SLC8A1: variants seen among roughly 807,000 people sequenced by gnomAD.
The protein encoded by SLC8A1 is sodium/calcium exchanger 1.
Under a neutral mutation model 68.3 loss-of-function variants are expected in SLC8A1, and 18 were observed. The ratio of observed to expected loss-of-function variants is 0.26; its 90% CI spans 0.18 to 0.39. SLC8A1 has a LOEUF of 0.39. Among genes scored for constraint, SLC8A1 ranks in the 10% least tolerant of loss-of-function variants. SLC8A1 has a pLI of 1.00. For missense variants in SLC8A1, 985 were observed against 1,156.7 expected (o/e 0.85, Z 2.15); for synonymous variants, 475 against 415.5 (o/e 1.14, Z -1.74).
At chr2:40,277,474 A>T (rs942474659) in intron 2 of SLC8A1, among the ~76,000 whole-genome samples, 2 of 152,120 alleles carry the variant, frequency 1.3e-5, no homozygotes, top group Non-Finnish European at 2.9e-5. Flanking sequence ...TCGGAGGCAG[A>T]GGTTGCAGTG....
intron 7 of SLC8A1, among the ~76,000 whole-genome samples, chr2:40,122,206 G>GCGCACACACA (rs1553339125): frequency 8.0e-6 from 1 of 124,466 alleles, no homozygotes; most frequent in East Asian, 2.1e-4. Context: ...ATGCGCGCGC[G>GCGCACACACA]CACACACACA....
chr2:40,170,474 G>T, intron 4 of SLC8A1, 125 bp from the exon 7 acceptor site: 3 of 780,434 alleles, frequency 3.8e-6, no homozygotes, highest in Non-Finnish European at 6.5e-6. Context: ...GTTAGTTTGG[G>T]GATTCAATGA....
chr2:40,111,637 C>T (rs1175138499), exon 8 of SLC8A1: 1 of 152,126 alleles, frequency 6.6e-6, no homozygotes, highest in Non-Finnish European at 1.5e-5. Context: ...AATGCTTATT[C>T]CATTTCTGAC....
At chr2:40,312,614 T>A (rs979877472) in intron 2 of SLC8A1, among the ~76,000 whole-genome samples, 1 of 152,152 alleles carries the variant, frequency 6.6e-6, no homozygotes, top group Admixed American at 6.6e-5. Context: ...GTATATTTCA[T>A]AAGTTTCTAT....
At chr2:40,123,217 T>A (rs2037313030) in intron 7 of SLC8A1, 1 of 152,210 alleles carries the variant, frequency 6.6e-6, no homozygotes, top group South Asian at 2.1e-4. Context: ...GGACAGAGTG[T>A]CCAAGGAAAA....
rs367861306 is a variant in SLC8A1, at chr2:40,222,169, G to GAT, written c.1809-44316_1809-44315dup. On this transcript the variant is annotated intron_variant, in intron 2 of 7. Coordinates refer to ENST00000406785, the Ensembl canonical transcript of SLC8A1. Reference sequence around the variant, plus strand: ...ACAGCATGGTACTGGTACCAAATTAGATATATATATATATACCAGTGGAAC... The same window carrying GAT: ...ACAGCATGGTACTGGTACCAAATTAGATATATATATATATATACCAGTGGAAC... Among the ~76,000 whole-genome samples the GAT allele has an allele frequency of 7.8e-3, 1,171 of 150,124 alleles. 17 individuals are homozygous for GAT. The highest frequency in any genetic ancestry group is 0.025 in the African/African-American group (1,029 of 41,020).
intron 7 of SLC8A1, among the ~76,000 whole-genome samples, chr2:40,135,243 G>A (rs968095806): frequency 6.6e-6 from 1 of 152,174 alleles, no homozygotes; most frequent in African/African-American, 2.4e-5. Context: ...GAAGTTACTG[G>A]AAGACTATAA....
chr2:40,390,618 T>C (rs1337332582), intron 2 of SLC8A1, among the ~76,000 whole-genome samples: 1 of 152,078 alleles, frequency 6.6e-6, no homozygotes, highest in Non-Finnish European at 1.5e-5. Context: ...CCCCTCAACT[T>C]GAGGAACCAC....
intron 2 of SLC8A1, among the ~76,000 whole-genome samples, chr2:40,319,541 G>A (rs953972968): frequency 1.3e-5 from 2 of 151,988 alleles, no homozygotes; most frequent in Non-Finnish European, 2.9e-5. Context: ...TTCAAAACAC[G>A]TTTTCTGAAC....
intron 2 of SLC8A1, among the ~76,000 whole-genome samples, chr2:40,354,435 A>T (rs866527815): frequency 9.2e-5 from 14 of 152,180 alleles, no homozygotes; most frequent in African/African-American, 3.4e-4. Context: ...GTAAGAGGTC[A>T]ATGCTGCTTA....
chr2:40,142,062 C>G (rs940239434), intron 6 of SLC8A1, among the ~76,000 whole-genome samples: 1 of 152,190 alleles, frequency 6.6e-6, no homozygotes, highest in African/African-American at 2.4e-5. Context: ...GCAGCCCTAG[C>G]AAACTACAGC....
intron 1 of SLC8A1, among the ~76,000 whole-genome samples, chr2:40,469,879 A>G (rs141321535): frequency 2.0e-5 from 3 of 152,288 alleles, no homozygotes; most frequent in East Asian, 3.9e-4. Flanking sequence ...CGTTTATTAT[A>G]AACCTTCCCA....
intron 2 of SLC8A1, among the ~76,000 whole-genome samples, chr2:40,254,123 G>GAAATATTTAGTATCAAAA (rs2063471323): frequency 6.6e-6 from 1 of 152,146 alleles, no homozygotes; most frequent in Admixed American, 6.5e-5. Flanking sequence ...ATGTATCAAA[G>GAAATATTTAGTATCAAAA]CATCACACAT....
chr2:40,337,114 T>G (rs970304178), intron 2 of SLC8A1, among the ~76,000 whole-genome samples: 1 of 152,146 alleles, frequency 6.6e-6, no homozygotes, highest in Admixed American at 6.6e-5. Flanking sequence ...CATATAAGCA[T>G]GATAATTGTG....
intron 2 of SLC8A1, among the ~76,000 whole-genome samples, chr2:40,400,611 G>C (rs1688430224): frequency 6.6e-6 from 1 of 152,188 alleles, no homozygotes; most frequent in African/African-American, 2.4e-5. Context: ...GGCAGACAGG[G>C]AGGAAATGAG....
intron 2 of SLC8A1, among the ~76,000 whole-genome samples, chr2:40,220,674 T>C (rs1246607021): frequency 6.6e-6 from 1 of 152,108 alleles, no homozygotes; most frequent in African/African-American, 2.4e-5. Flanking sequence ...AGGGCATGGA[T>C]GTGGGGGTGG....
chr2:40,338,341 G>A (rs561504165), intron 2 of SLC8A1, among the ~76,000 whole-genome samples: 2 of 152,132 alleles, frequency 1.3e-5, no homozygotes, highest in African/African-American at 2.4e-5. Flanking sequence ...GTGTGTGTGT[G>A]TATATATGTC....
chr2:40,196,108 G>C (rs780287198), intron 2 of SLC8A1, among the ~76,000 whole-genome samples: 2 of 147,560 alleles, frequency 1.4e-5, no homozygotes, highest in Non-Finnish European at 3.0e-5. Context: ...GGGGTGGGGG[G>C]AAGGGTCACA....
chr2:40,422,089 TCACC>T (rs1695667501), intron 2 of SLC8A1, among the ~76,000 whole-genome samples: 1 of 151,566 alleles, frequency 6.6e-6, no homozygotes, highest in Non-Finnish European at 1.5e-5. Flanking sequence ...CTCAGCGGGC[TCACC>T]CAAGGCAGTT....
Sources: gnomAD v4.1 joint callset for allele counts (sites outside exome capture counted in the v4.1 genomes callset) on GRCh38, gnomAD v4.1.1 for gene constraint, MANE v1.5 for transcripts, NCBI Gene and HGNC (gene_info 2026-07-23, HGNC 2026-07-21) for gene names.